ANKS1B: variants seen among roughly 807,000 people sequenced by gnomAD.
ANKS1B encodes the protein ankyrin repeat and sterile alpha motif domain containing 1B.
In ANKS1B, 36 loss-of-function variants were observed where a neutral mutation model predicts 148.3. That is an observed-to-expected ratio of 0.24 (90% CI 0.19 to 0.32). The LOEUF is 0.32. Ranked by LOEUF, ANKS1B falls within the 10% of genes least tolerant of loss-of-function variation. The pLI, the probability that ANKS1B is intolerant of heterozygous loss-of-function variation, is 1.00. For missense variants in ANKS1B, 1,157 were observed against 1,542.6 expected, an observed-to-expected ratio of 0.75 and a Z score of 4.19; for synonymous variants, 542 against 560.8, an observed-to-expected ratio of 0.97 and a Z score of 0.47.
At chr12:99,920,023 T>C (rs963924172) in intron 1 of ANKS1B, among the ~76,000 whole-genome samples, 9 of 152,172 alleles carry the variant, frequency 5.9e-5, no homozygotes, top group African/African-American at 2.2e-4. Flanking sequence ...TGTGAGGTCC[T>C]AATTTAACTT....
intron 12 of ANKS1B, among the ~76,000 whole-genome samples, chr12:99,338,695 C>T (rs1177243564): frequency 6.6e-6 from 1 of 152,120 alleles, no homozygotes; most frequent in Non-Finnish European, 1.5e-5. Context: ...GCCTGGTTAC[C>T]ACTGATGTTT....
At chr12:99,717,899 CTTTTTTTTTTTT>C (rs943618905) in intron 8 of ANKS1B, among the ~76,000 whole-genome samples, 1 of 111,088 alleles carries the variant, frequency 9.0e-6, no homozygotes, top group African/African-American at 3.6e-5. Flanking sequence ...AGACAATACT[CTTTTTTTTTTTT>C]TTTTTTTTTT....
At chr12:99,605,072 A>G (rs1049010432) in intron 9 of ANKS1B, among the ~76,000 whole-genome samples, 1 of 152,036 alleles carries the variant, frequency 6.6e-6, no homozygotes, top group Non-Finnish European at 1.5e-5. Flanking sequence ...TCATTTTAAC[A>G]GGGAAGACCA....
At chr12:99,031,412 T>C (rs532384221) in intron 17 of ANKS1B, among the ~76,000 whole-genome samples, 1 of 152,262 alleles carries the variant, frequency 6.6e-6, no homozygotes, top group Admixed American at 6.5e-5. Flanking sequence ...TAAAATCCAT[T>C]CCAATTTCCT....
At chr12:99,314,533 G>A (rs2083691085) in intron 12 of ANKS1B, among the ~76,000 whole-genome samples, 1 of 152,188 alleles carries the variant, frequency 6.6e-6, no homozygotes, top group Non-Finnish European at 1.5e-5. Context: ...CAAGGCTACA[G>A]TAACCAAAAG....
In ANKS1B at chr12:99,903,734, G is replaced by C. The variant is rs375778533; in HGVS notation, c.135-78345C>G. On this transcript the variant is annotated intron_variant, in intron 1 of 26. Coordinates refer to ENST00000683438, the MANE Select transcript of ANKS1B (RefSeq NM_001352186.2). ...TGATACAATGGACTTTGGGGACTCC[G>C]GAGGAAAAATGGGAGGGGGGGAGAG... Among the ~76,000 whole-genome samples the C allele has an allele frequency of 4.9e-4, 74 of 151,174 alleles. 1 individual carries two copies. The highest frequency in any genetic ancestry group is 1.7e-3 in the African/African-American group (71 of 40,672).
At chr12:99,061,676 T>G (rs1468223445) in intron 16 of ANKS1B, among the ~76,000 whole-genome samples, 1 of 152,236 alleles carries the variant, frequency 6.6e-6, no homozygotes, top group East Asian at 1.9e-4. Flanking sequence ...ATATTATGAA[T>G]GTCTCTATTT....
chr12:99,077,745 TA>T (rs1171941741), intron 16 of ANKS1B, among the ~76,000 whole-genome samples: 3 of 152,186 alleles, frequency 2.0e-5, no homozygotes, highest in Non-Finnish European at 4.4e-5. Context: ...TCAAGGTCCT[TA>T]AAATTATCTT....
At chr12:99,027,206 G>A (rs1011843077) in intron 17 of ANKS1B, among the ~76,000 whole-genome samples, 9 of 152,196 alleles carry the variant, frequency 5.9e-5, no homozygotes, top group African/African-American at 1.7e-4. Flanking sequence ...TCCTTCAGAC[G>A]TTTAATATGT....
At chr12:99,058,231 CTTT>C (rs1032294121) in intron 16 of ANKS1B, among the ~76,000 whole-genome samples, 4 of 124,604 alleles carry the variant, frequency 3.2e-5, no homozygotes. Flanking sequence ...CATGCCACAT[CTTT>C]TTTTTTTTTT....
Position 99,984,381 on chromosome 12 carries a change from C to A in ANKS1B, c.-144G>T. 2 of 615,242 alleles carry A rather than the reference C, an allele frequency of 3.3e-6. No individual in the cohort carries two copies. Among genetic ancestry groups the A allele is most frequent in the Non-Finnish European group, 5.4e-6 (2 of 371,776 alleles). The allele number at this position is 615,242 out of a possible 1,614,324, so 38.1% of individuals were successfully genotyped here. A position where few individuals can be genotyped will look rare whatever the true frequency, so the allele number is the denominator to read the frequency against. On this transcript the variant is annotated 5_prime_UTR_variant, in exon 1 of 27. Transcript: ENST00000683438. ...CAGCACGGAGAGCTCCCTGCAGCCC[C>A]AGGCAGGGAGCACGACTCTCTCCTC... is the stretch of plus-strand genomic sequence containing the variant.
intron 12 of ANKS1B, among the ~76,000 whole-genome samples, chr12:99,334,841 AG>A (rs1030893516): frequency 7.2e-5 from 11 of 152,070 alleles, no homozygotes; most frequent in African/African-American, 2.7e-4. Context: ...TGCAAATTCA[AG>A]GGTGAAGTGA....
At chr12:99,390,937 C>A (rs887633775) in intron 12 of ANKS1B, among the ~76,000 whole-genome samples, 1 of 152,164 alleles carries the variant, frequency 6.6e-6, no homozygotes, top group African/African-American at 2.4e-5. Flanking sequence ...CAGTGCGAGG[C>A]GAGCTGAGGT....
intron 9 of ANKS1B, among the ~76,000 whole-genome samples, chr12:99,579,885 A>C (rs2097553987): frequency 6.6e-6 from 1 of 152,182 alleles, no homozygotes; most frequent in African/African-American, 2.4e-5. Context: ...TTCCACCAAA[A>C]AAAAATGTAC....
chr12:99,722,093 T>A (rs2058144687), intron 8 of ANKS1B, among the ~76,000 whole-genome samples: 1 of 152,182 alleles, frequency 6.6e-6, no homozygotes, highest in Admixed American at 6.5e-5. Context: ...CAGGGGTTCA[T>A]GAGGTTTAAG....
intron 17 of ANKS1B, among the ~76,000 whole-genome samples, chr12:98,985,054 T>A (rs899947367): frequency 2.0e-5 from 3 of 152,188 alleles, no homozygotes; most frequent in African/African-American, 7.2e-5. Context: ...GAAGTTCTTG[T>A]AGACAAATAT....
intron 12 of ANKS1B, among the ~76,000 whole-genome samples, chr12:99,355,833 C>T (rs2091922476): frequency 6.6e-6 from 1 of 152,026 alleles, no homozygotes; most frequent in South Asian, 2.1e-4. Context: ...TATCTCCTTT[C>T]CATATTTGAA....
At chr12:99,275,841 A>T (rs2077605561) in intron 12 of ANKS1B, among the ~76,000 whole-genome samples, 1 of 152,208 alleles carries the variant, frequency 6.6e-6, no homozygotes, top group Admixed American at 6.5e-5. Flanking sequence ...GTGGTCATCC[A>T]AAATACAATC....
At chr12:99,378,652 C>CAAAAAAAAAAA (rs140892353) in intron 12 of ANKS1B, among the ~76,000 whole-genome samples, 88 of 90,184 alleles carry the variant, frequency 9.8e-4, no homozygotes, top group Non-Finnish European at 1.3e-3. Flanking sequence ...GACTCCATCT[C>CAAAAAAAAAAA]AAAAAAAAAA....
Sources: allele counts gnomAD v4.1 joint callset (sites outside exome capture counted in the v4.1 genomes callset), GRCh38; gene constraint gnomAD v4.1.1; transcripts MANE v1.5; gene names NCBI Gene and HGNC (gene_info 2026-07-23, HGNC 2026-07-21).